The following NLGN1 variants were observed in gnomAD, a reference collection of about 807,000 sequenced individuals.
NLGN1 encodes the protein neuroligin 1.
A neutral mutation model predicts 65.5 loss-of-function variants in NLGN1; 12 were observed. That is an observed-to-expected ratio of 0.18 (90% CI 0.12 to 0.30). The LOEUF (loss-of-function observed/expected upper bound fraction) is 0.30, where lower values mean the gene tolerates loss of function less well. NLGN1 is among the 10% of genes least tolerant of loss of function. The pLI is 1.00. For synonymous variants in NLGN1, 350 were observed against 359.5 expected, an observed-to-expected ratio of 0.97 and a Z score of 0.30; for missense variants, 750 against 1,007.1, an observed-to-expected ratio of 0.74 and a Z score of 3.46.
At chr3:174,138,192 T>A (rs1163818596) in intron 4 of NLGN1, among the ~76,000 whole-genome samples, 1 of 152,176 alleles carries the variant, frequency 6.6e-6, no homozygotes, top group Non-Finnish European at 1.5e-5. Context: ...TTTACCCGCA[T>A]ACTATATATA....
intron 4 of NLGN1, among the ~76,000 whole-genome samples, chr3:173,867,199 T>C (rs554847835): frequency 6.6e-6 from 1 of 152,276 alleles, no homozygotes. Flanking sequence ...AGAGATGATA[T>C]CAGATTACAG....
At chr3:174,181,081 T>G (rs187546739) in intron 4 of NLGN1, among the ~76,000 whole-genome samples, 4 of 152,322 alleles carry the variant, frequency 2.6e-5, no homozygotes, top group East Asian at 3.9e-4. Context: ...CAGAAAATAC[T>G]GTGTACCTTG....
chr3:174,069,091 C>T (rs970063484), intron 4 of NLGN1, among the ~76,000 whole-genome samples: 4 of 152,072 alleles, frequency 2.6e-5, no homozygotes, highest in Non-Finnish European at 5.9e-5. Flanking sequence ...AGGAATGTTG[C>T]ACAGTCTTTG....
chr3:173,613,072 G>T (rs1043973314), intron 3 of NLGN1, among the ~76,000 whole-genome samples: 17 of 152,076 alleles, frequency 1.1e-4, no homozygotes, highest in Admixed American at 1.1e-3. Context: ...AGGTACTCAG[G>T]TTAGGACTTT....
intron 4 of NLGN1, among the ~76,000 whole-genome samples, chr3:173,997,229 G>T (rs1032556126): frequency 6.6e-6 from 1 of 151,904 alleles, no homozygotes; most frequent in Non-Finnish European, 1.5e-5. Context: ...CTTGGAATGG[G>T]ACTTCAGTAC....
chr3:173,479,263 TG>T (rs1726829671), intron 2 of NLGN1, among the ~76,000 whole-genome samples: 2 of 151,010 alleles, frequency 1.3e-5, no homozygotes. Context: ...TGTGTGGCAT[TG>T]GGCAAGAGTG....
At chr3:173,700,942 G>A (rs543704905) in intron 3 of NLGN1, among the ~76,000 whole-genome samples, 7 of 152,154 alleles carry the variant, frequency 4.6e-5, no homozygotes, top group South Asian at 2.1e-4. Flanking sequence ...TGGCTAACAC[G>A]GTGAAACCCT....
At chr3:173,813,757 A>G (rs1342204960) in intron 4 of NLGN1, among the ~76,000 whole-genome samples, 1 of 152,222 alleles carries the variant, frequency 6.6e-6, no homozygotes, top group Non-Finnish European at 1.5e-5. Flanking sequence ...AATATAATGG[A>G]TTTAATTTCA....
chr3:173,781,315 CT>C (rs987899084), intron 3 of NLGN1, among the ~76,000 whole-genome samples: 3 of 152,052 alleles, frequency 2.0e-5, no homozygotes, highest in Non-Finnish European at 2.9e-5. Flanking sequence ...ATGGCTAATA[CT>C]TTTTTCTGTG....
chr3:173,577,790 CAT>C (rs1160698782), intron 2 of NLGN1, among the ~76,000 whole-genome samples: 4 of 151,994 alleles, frequency 2.6e-5, no homozygotes, highest in Non-Finnish European at 5.9e-5. Flanking sequence ...AAACTTGTGA[CAT>C]ATTTTCTCAG....
intron 2 of NLGN1, among the ~76,000 whole-genome samples, chr3:173,570,309 T>G (rs1744437093): frequency 6.6e-6 from 1 of 151,996 alleles, no homozygotes; most frequent in Non-Finnish European, 1.5e-5. Flanking sequence ...AAGAGCAAGG[T>G]GGATTTGAAA....
At position 174,273,330 on chromosome 3, in the gene NLGN1, C is replaced by CAA. The variant is rs746358664; in HGVS notation, c.647-1984_647-1983dup. Among the ~76,000 whole-genome samples, 23 of 151,572 alleles carry CAA rather than the reference C, an allele frequency of 1.5e-4. No individual in the cohort carries two copies. The Middle Eastern group carries it at 0.01, about 67-fold the overall frequency. On this transcript the variant is annotated intron_variant, in intron 4 of 6. Transcript: ENST00000457714. ...TCACACGCACATATCCTTTTTCCTTCAAGAGTTTTTCTATCTAATGTACAG... is the reference window on the plus strand; with the variant it reads ...TCACACGCACATATCCTTTTTCCTTCAAAAGAGTTTTTCTATCTAATGTACAG...
chr3:173,681,091 A>G (rs1763885570), intron 3 of NLGN1, among the ~76,000 whole-genome samples: 1 of 152,186 alleles, frequency 6.6e-6, no homozygotes, highest in African/African-American at 2.4e-5. Context: ...CAAATGCATG[A>G]TGATTGGACT....
chr3:173,472,516 A>G (rs1482131228), intron 2 of NLGN1, among the ~76,000 whole-genome samples: 2 of 151,990 alleles, frequency 1.3e-5, no homozygotes, highest in African/African-American at 4.8e-5. Context: ...GAATAGTTTC[A>G]CTTATCAAAT....
At chr3:174,076,677 CATAG>C (rs1473613493) in intron 4 of NLGN1, among the ~76,000 whole-genome samples, 32 of 92,196 alleles carry the variant, frequency 3.5e-4, no homozygotes, top group Admixed American at 7.4e-4. Flanking sequence ...CCTCTGGGAC[CATAG>C]AGAGAGAGAG....
chr3:173,712,523 C>T (rs545520378), intron 3 of NLGN1, among the ~76,000 whole-genome samples: 2 of 152,110 alleles, frequency 1.3e-5, no homozygotes, highest in African/African-American at 2.4e-5. Flanking sequence ...CCTGTGTGCT[C>T]CCTAACAAGT....
At chr3:173,719,566 A>C (rs1319802717) in intron 3 of NLGN1, among the ~76,000 whole-genome samples, 1 of 152,166 alleles carries the variant, frequency 6.6e-6, no homozygotes, top group African/African-American at 2.4e-5. Context: ...CGTGTTGCAT[A>C]GTGGAATTAA....
At chr3:173,634,322 GTAAA>G (rs1302802923) in intron 3 of NLGN1, among the ~76,000 whole-genome samples, 4 of 151,894 alleles carry the variant, frequency 2.6e-5, no homozygotes, top group Non-Finnish European at 5.9e-5. Context: ...AAAGAAATAA[GTAAA>G]TAAAATCTTC....
At chr3:173,875,518 G>A (rs746547975) in intron 4 of NLGN1, among the ~76,000 whole-genome samples, 10 of 152,032 alleles carry the variant, frequency 6.6e-5, no homozygotes, top group Non-Finnish European at 1.5e-5. Flanking sequence ...CTAATGTAAG[G>A]CAATAATACA....
Sources: gnomAD v4.1 joint callset for allele counts (sites outside exome capture counted in the v4.1 genomes callset) on GRCh38, gnomAD v4.1.1 for gene constraint, MANE v1.5 for transcripts, NCBI Gene and HGNC (gene_info 2026-07-23, HGNC 2026-07-21) for gene names.